The following ABI2 variants were observed in gnomAD, a reference collection of about 807,000 sequenced individuals.
The protein encoded by ABI2 is abl interactor 2.
Under a neutral mutation model 59.2 loss-of-function variants are expected in ABI2, and 25 were observed. The ratio of observed to expected loss-of-function variants is 0.42; its 90% confidence interval spans 0.31 to 0.59. The LOEUF is 0.59. Among genes scored for constraint, ABI2 ranks in the 20% least tolerant of loss-of-function variants. ABI2 has a pLI of 0.14. For missense variants in ABI2, 545 were observed against 681.8 expected (o/e 0.80, Z 2.23); for synonymous variants, 213 against 235.5 (o/e 0.90, Z 0.87).
chr2:203,397,718 C>T (rs1400207649), intron 8 of ABI2, among the ~76,000 whole-genome samples: 1 of 152,118 alleles, frequency 6.6e-6, no homozygotes, highest in Non-Finnish European at 1.5e-5. Context: ...TCAGGCTGTA[C>T]AGGAAGCATG....
Position 203,368,984 on chromosome 2 carries a change from A to AATTTTTTTTTTTTTTTTTTTTTTTTTTTT in ABI2, c.285+1940_285+1941insATTTTTTTTTTTTTTTTTTTTTTTTTTTT, listed in dbSNP as rs1312712237. Among the ~76,000 whole-genome samples the AATTTTTTTTTTTTTTTTTTTTTTTTTTTT allele has an allele frequency of 2.2e-5, 2 of 91,118 alleles. 1 individual carries two copies. The allele number at this position is 91,118 out of a possible 152,430, so 59.8% of individuals were successfully genotyped here. A position where few individuals can be genotyped will look rare whatever the true frequency, so the allele number is the denominator to read the frequency against. On this transcript the variant is annotated intron_variant, in intron 2 of 11. Transcript: ENST00000261018. ...TACAGGCACGTGCCATGCTTGGCTG[A>AATTTTTTTTTTTTTTTTTTTTTTTTTTTT]TTTTTTTTTTTTTTTTTTTTTTTTT... is the stretch of plus-strand genomic sequence containing the variant.
chr2:203,344,284 C>G (rs1163774474), intron 1 of ABI2, among the ~76,000 whole-genome samples: 1 of 152,070 alleles, frequency 6.6e-6, no homozygotes, highest in Admixed American at 6.6e-5. Context: ...AATAAAACCC[C>G]AACAATGCCA....
At chr2:203,351,250 T>C (rs1461064474) in intron 1 of ABI2, among the ~76,000 whole-genome samples, 1 of 152,208 alleles carries the variant, frequency 6.6e-6, no homozygotes, top group Non-Finnish European at 1.5e-5. Context: ...ACTGTACTTT[T>C]ATAGTTTTAA....
At chr2:203,350,885 T>C (rs963494086) in intron 1 of ABI2, among the ~76,000 whole-genome samples, 2 of 117,356 alleles carry the variant, frequency 1.7e-5, no homozygotes, top group Non-Finnish European at 3.9e-5. Context: ...TGTGTGTGTG[T>C]GTGTGTGCGC....
At position 203,396,987 on chromosome 2, in the gene ABI2, T is replaced by C. The variant is rs1338049348; in HGVS notation, c.1033+20T>C. ...CTACAGGTAAGTATTTGCTTATTCA[T>C]TGGCAGGCAGATGCAGTCATCTGGC... On this transcript the variant is annotated intron_variant, in intron 8 of 11. Coordinates refer to ENST00000261018, the MANE Select transcript of ABI2 (RefSeq NM_001375670.1). 8 of 1,405,426 alleles carry C rather than the reference T, an allele frequency of 5.7e-6. No individual in the cohort carries two copies. Among genetic ancestry groups the C allele is most frequent in the Non-Finnish European group, 6.5e-6 (7 of 1,080,202 alleles). 87.1% of individuals were successfully genotyped at this position (1,405,426 alleles called of 1,614,324 possible).
At chr2:203,361,015 A>C (rs192653386) in intron 1 of ABI2, among the ~76,000 whole-genome samples, 34 of 152,352 alleles carry the variant, frequency 2.2e-4, no homozygotes, top group Non-Finnish European at 3.8e-4. Flanking sequence ...CAGCATGAGC[A>C]CTAGCTCCAC....
At position 203,427,157 on chromosome 2, in the gene ABI2, T is replaced by C; in HGVS notation, c.1454-20T>C. 1 of 1,607,936 alleles carries C rather than the reference T, an allele frequency of 6.2e-7. No individual in the cohort carries two copies. The highest frequency in any genetic ancestry group is 2.2e-5 in the East Asian group (1 of 44,792). On this transcript the variant is annotated intron_variant, in intron 11 of 11. Coordinates refer to ENST00000261018, the MANE Select transcript of ABI2 (RefSeq NM_001375670.1). ...AATATTACTGTCTTTCACATCCTGT[T>C]TTGTTTTCTTCCCTCCTAGTTGTGG...
chr2:203,378,325 A>G (rs371251656), intron 2 of ABI2, among the ~76,000 whole-genome samples: 2 of 152,006 alleles, frequency 1.3e-5, no homozygotes, highest in South Asian at 2.1e-4. Flanking sequence ...GTTAGCCAGG[A>G]TGGTCTCGAT....
intron 4 of ABI2, among the ~76,000 whole-genome samples, chr2:203,389,997 T>G (rs1212285692): frequency 6.6e-6 from 1 of 152,194 alleles, no homozygotes; most frequent in Non-Finnish European, 1.5e-5. Context: ...TGAATTCACC[T>G]TCAGTTTGGG....
chr2:203,346,041 C>G (rs980193300), intron 1 of ABI2, among the ~76,000 whole-genome samples: 6 of 151,388 alleles, frequency 4.0e-5, no homozygotes, highest in African/African-American at 1.5e-4. Flanking sequence ...CGCACACACA[C>G]ACACAAACTG....
At chr2:203,391,981 G>A (rs572026476) in intron 5 of ABI2, among the ~76,000 whole-genome samples, 16 of 152,190 alleles carry the variant, frequency 1.1e-4, no homozygotes, top group South Asian at 6.2e-4. Flanking sequence ...TGAGATTTAC[G>A]ATTAGGTTGG....
At chr2:203,396,680 G>A (rs1045890538) in intron 7 of ABI2, 105 bp from the exon 8 acceptor site, 2 of 1,166,002 alleles carry the variant, frequency 1.7e-6, no homozygotes, top group South Asian at 2.7e-5. Flanking sequence ...CTTTTGGTTA[G>A]TGTTAAGCAC....
intron 1 of ABI2, among the ~76,000 whole-genome samples, chr2:203,362,680 C>T (rs557993257): frequency 1.3e-5 from 2 of 151,960 alleles, no homozygotes; most frequent in African/African-American, 4.8e-5. Flanking sequence ...GTGTGGGCCA[C>T]CGTGCCTGGC....
intron 11 of ABI2, among the ~76,000 whole-genome samples, chr2:203,418,951 A>T (rs542905713): frequency 3.9e-5 from 6 of 152,362 alleles, no homozygotes; most frequent in African/African-American, 1.2e-4. Context: ...GAAAAATGAC[A>T]TATTACATAC....
intron 9 of ABI2, among the ~76,000 whole-genome samples, chr2:203,406,386 G>C (rs1579865561): frequency 6.6e-6 from 1 of 152,144 alleles, no homozygotes; most frequent in Admixed American, 6.5e-5. Context: ...TTGGTTCCAA[G>C]AGATGTGTCT....
rs1254708217 is a variant in ABI2, at chr2:203,380,284, C to T, written c.362C>T (p.Thr121Ile). ...ILTTNKNTSR[T>I]HKIIAPANLE... ...ACTACCAATAAAAACACTTCAAGGACACATAAGATTATTGCTCCAGCCAAC... is the reference window on the plus strand; with the variant it reads ...ACTACCAATAAAAACACTTCAAGGATACATAAGATTATTGCTCCAGCCAAC... Residue 121 changes from threonine (T) to isoleucine (I), a missense_variant, in exon 3 of 12, where the codon ACA (threonine) becomes ATA (isoleucine). By Grantham distance (89) the Thr-to-Ile change is moderately conservative. Around this residue, in one of 4 missense-constraint regions of ABI2, gnomAD observed 410 missense variants for 435.6 expected, o/e 0.94. Transcript: ENST00000261018. 3.7e-6 allele frequency: 6 copies of T among 1,607,938 alleles called. No homozygotes were observed. The highest frequency in any genetic ancestry group is 5.1e-6 in the Non-Finnish European group (6 of 1,177,168).
At chr2:203,350,862 T>TTGTGTGTGTGTG (rs200198424) in intron 1 of ABI2, among the ~76,000 whole-genome samples, 8 of 137,810 alleles carry the variant, frequency 5.8e-5, no homozygotes, top group Non-Finnish European at 1.1e-4. Context: ...GTTGTGTGTT[T>TTGTGTGTGTGTG]TGTGTGTGTG....
intron 1 of ABI2, among the ~76,000 whole-genome samples, chr2:203,349,228 C>T (rs571328261): frequency 6.6e-6 from 1 of 152,222 alleles, no homozygotes; most frequent in South Asian, 2.1e-4. Flanking sequence ...AGGCATTAGC[C>T]TCTGAACCCA....
At chr2:203,355,746 G>A (rs1474978699) in intron 1 of ABI2, among the ~76,000 whole-genome samples, 2 of 148,898 alleles carry the variant, frequency 1.3e-5, no homozygotes, top group Non-Finnish European at 3.0e-5. Context: ...CAGGAGAATC[G>A]CTTGAATCTG....
Sources: allele counts gnomAD v4.1 joint callset (sites outside exome capture counted in the v4.1 genomes callset), GRCh38; gene constraint gnomAD v4.1.1; regional missense constraint gnomAD v4.1.1; transcripts MANE v1.5; gene names NCBI Gene and HGNC (gene_info 2026-07-23, HGNC 2026-07-21).